Variants in CTNNAL1 observed in about 807,000 individuals in gnomAD.
CTNNAL1 encodes the protein alpha-catulin.
CTNNAL1 carries 69 observed loss-of-function variants against 93.6 expected under a neutral mutation model. The ratio of observed to expected loss-of-function variants is 0.74; its 90% confidence interval spans 0.61 to 0.90. The LOEUF (loss-of-function observed/expected upper bound fraction) is 0.90, where lower values mean the gene tolerates loss of function less well. Among genes scored for constraint, CTNNAL1 ranks in the 40% least tolerant of loss-of-function variants. CTNNAL1 has a pLI of 0.00. For missense variants in CTNNAL1, 836 were observed against 862.0 expected (o/e 0.97, Z 0.38); for synonymous variants, 286 against 305.4 (o/e 0.94, Z 0.66).
intron 11 of CTNNAL1, among the ~76,000 whole-genome samples, chr9:108,964,246 CTATAATTCTAT>C (rs1211218417): frequency 6.6e-6 from 1 of 152,078 alleles, no homozygotes; most frequent in African/African-American, 2.4e-5. Context: ...GATGTTATAG[CTATAATTCTAT>C]TATGCCCTGA....
intron 1 of CTNNAL1, among the ~76,000 whole-genome samples, chr9:109,000,686 G>T (rs1318903425): frequency 2.7e-5 from 4 of 149,798 alleles, no homozygotes; most frequent in Admixed American, 2.0e-4. Context: ...AGCATTCTAG[G>T]AGAAGAAACA....
At chr9:108,993,265 G>C (rs1831884504) in intron 2 of CTNNAL1, among the ~76,000 whole-genome samples, 1 of 152,178 alleles carries the variant, frequency 6.6e-6, no homozygotes. Flanking sequence ...ACGGCCTTGG[G>C]TTTTCACCCT....
chr9:108,996,708 A>AT (rs1390062873), intron 2 of CTNNAL1, among the ~76,000 whole-genome samples: 1 of 150,304 alleles, frequency 6.7e-6, no homozygotes, highest in African/African-American at 2.5e-5. Context: ...AGAAACAGTC[A>AT]TTTTTTTATT....
At chr9:108,996,408 A>T (rs1480642002) in intron 2 of CTNNAL1, among the ~76,000 whole-genome samples, 1 of 152,136 alleles carries the variant, frequency 6.6e-6, no homozygotes, top group African/African-American at 2.4e-5. Flanking sequence ...GTGTTAAGAG[A>T]AAAAAAGGCT....
At chr9:108,988,324 T>C (rs1344092789) in intron 4 of CTNNAL1, among the ~76,000 whole-genome samples, 1 of 152,172 alleles carries the variant, frequency 6.6e-6, no homozygotes, top group East Asian at 1.9e-4. Flanking sequence ...CCTCAGGTGA[T>C]CCACCCACCT....
chr9:108,969,860 G>C (rs10979632), intron 10 of CTNNAL1, among the ~76,000 whole-genome samples: 54,035 of 151,948 alleles, frequency 0.36, 9,915 homozygotes, highest in Admixed American at 0.45. Flanking sequence ...TTTGTAGACA[G>C]AGGGTCTTGC....
At chr9:108,969,977 G>C (rs1323291428) in intron 10 of CTNNAL1, among the ~76,000 whole-genome samples, 1 of 152,070 alleles carries the variant, frequency 6.6e-6, no homozygotes, top group African/African-American at 2.4e-5. Context: ...GGTCCCAATT[G>C]AATCTTGTAA....
At chr9:108,975,866 T>G (rs1831253007) in intron 8 of CTNNAL1, among the ~76,000 whole-genome samples, 1 of 152,194 alleles carries the variant, frequency 6.6e-6, no homozygotes, top group Non-Finnish European at 1.5e-5. Flanking sequence ...CAGTTGTAGT[T>G]TGTGAACACC....
In CTNNAL1 at chr9:108,971,418, C is replaced by T. The variant is rs1831114298; in HGVS notation, c.1348-924G>A. Among the ~76,000 whole-genome samples the T allele has an allele frequency of 2.6e-5, 4 of 152,164 alleles. No individual in the cohort carries two copies. In the South Asian group the frequency reaches 8.3e-4, roughly 32 times the overall value. On this transcript the variant is annotated intron_variant, in intron 9 of 18. Transcript: ENST00000325551. ...GGTTGTTGATATGGTTTGGCTGTGTCCCTACCCAAATCTCACCTTGAATTG... is the reference window on the plus strand; with the variant it reads ...GGTTGTTGATATGGTTTGGCTGTGTTCCTACCCAAATCTCACCTTGAATTG...
chr9:108,985,217 G>A (rs545951118), intron 4 of CTNNAL1, among the ~76,000 whole-genome samples: 156 of 152,234 alleles, frequency 1.0e-3, no homozygotes, highest in Admixed American at 2.7e-3. Context: ...AAACATTTGA[G>A]GCCTTCTGAG....
chr9:109,006,893 C>T (rs997027307), intron 1 of CTNNAL1, among the ~76,000 whole-genome samples: 6 of 152,046 alleles, frequency 3.9e-5, no homozygotes, highest in Non-Finnish European at 7.4e-5. Flanking sequence ...TTCTGTGACT[C>T]TGTGTTCTCA....
At chr9:108,944,405 G>A (rs1217692357) in intron 15 of CTNNAL1, among the ~76,000 whole-genome samples, 1 of 148,786 alleles carries the variant, frequency 6.7e-6, no homozygotes, top group Non-Finnish European at 1.5e-5. Context: ...AAAAGGGTTA[G>A]GACCTTCCCA....
chr9:109,008,061 T>G (rs1174822512), intron 1 of CTNNAL1, among the ~76,000 whole-genome samples: 1 of 152,138 alleles, frequency 6.6e-6, no homozygotes, highest in African/African-American at 2.4e-5. Flanking sequence ...GCACAATTTA[T>G]GTAAACATAC....
chr9:108,963,756 GA>G (rs1215293632), intron 11 of CTNNAL1, among the ~76,000 whole-genome samples: 1 of 152,214 alleles, frequency 6.6e-6, no homozygotes, highest in African/African-American at 2.4e-5. Flanking sequence ...GGCCTTTAAA[GA>G]GAGCCAGCCA....
chr9:108,971,712 C>G (rs906057462), intron 9 of CTNNAL1, among the ~76,000 whole-genome samples: 1 of 152,092 alleles, frequency 6.6e-6, no homozygotes, highest in Non-Finnish European at 1.5e-5. Context: ...TATAAATTAC[C>G]CAGTCTTGGG....
At chr9:108,976,166 A>G (rs996208749) in intron 8 of CTNNAL1, among the ~76,000 whole-genome samples, 3 of 151,922 alleles carry the variant, frequency 2.0e-5, no homozygotes, top group African/African-American at 7.3e-5. Flanking sequence ...ATATACCCCA[A>G]CCTCTGACCC....
chr9:109,005,584 C>T (rs1826999542), intron 1 of CTNNAL1, among the ~76,000 whole-genome samples: 2 of 152,134 alleles, frequency 1.3e-5, no homozygotes, highest in South Asian at 4.1e-4. Context: ...TGTCCATGAA[C>T]CAGAATGTGG....
chr9:108,947,839 TGAA>T (rs1463610974), intron 15 of CTNNAL1, among the ~76,000 whole-genome samples: 1 of 152,244 alleles, frequency 6.6e-6, no homozygotes, highest in African/African-American at 2.4e-5. Context: ...AATTCAATAA[TGAA>T]GAGGCCAAAA....
intron 8 of CTNNAL1, 31 bp from the exon 9 acceptor site, chr9:108,972,864 G>GGGGGGGGTCCC: frequency 7.0e-6 from 1 of 142,590 alleles, no homozygotes; most frequent in Non-Finnish European, 1.0e-5. Context: ...GGGGGGGTGG[G>GGGGGGGGTCCC]AGGGTGGAGA....
Sources: gnomAD v4.1 joint callset for allele counts (sites outside exome capture counted in the v4.1 genomes callset) on GRCh38, gnomAD v4.1.1 for gene constraint, MANE v1.5 for transcripts, NCBI Gene and HGNC (gene_info 2026-07-23, HGNC 2026-07-21) for gene names.